The following DHX16 variants were observed in gnomAD, a reference collection of about 807,000 sequenced individuals.
DHX16 encodes DEAH-box helicase 16, also known as pre-mRNA-splicing factor ATP-dependent RNA helicase DHX16.
In DHX16, 81 loss-of-function variants were observed where a neutral mutation model predicts 131.2. That is an observed-to-expected ratio of 0.62 (90% CI 0.52 to 0.74). The LOEUF is 0.74. Ranked by LOEUF, DHX16 falls within the 30% of genes least tolerant of loss-of-function variation. DHX16 has a pLI of 0.00. For missense variants in DHX16, 980 were observed against 1,363.1 expected (o/e 0.72, Z 4.43); for synonymous variants, 440 against 520.2 (o/e 0.85, Z 2.10).
Position 30,656,204 on chromosome 6 carries a change from G to C in DHX16, c.2492C>G (p.Ser831Cys), listed in dbSNP as rs61757583. 3.1e-6 allele frequency: 5 copies of C among 1,613,046 alleles called. No individual in the cohort carries two copies. Among genetic ancestry groups the C allele is most frequent in the Non-Finnish European group, 4.2e-6 (5 of 1,180,012 alleles). ...DPMLSKMILA[S>C]EKYSCSEEIL... ...GGTGGAGGCGAGGGCTTACTTCTCAGAGGCTAAGATCATTTTGGACAGCAT... is the reference window on the plus strand; with the variant it reads ...GGTGGAGGCGAGGGCTTACTTCTCACAGGCTAAGATCATTTTGGACAGCAT... The change falls in exon 16 of 20, where the codon TCT becomes TGT. Residue 831 changes from serine (S) to cysteine (C), a missense_variant. Around this residue, in one of 3 missense-constraint regions of DHX16, gnomAD observed 214 missense variants for 271.2 expected, o/e 0.79. Transcript: ENST00000376442. This position sits in a 1 kb window ranked among gnomAD's most constrained non-coding sequence, Gnocchi z 5.1.
intron 9 of DHX16, among the ~76,000 whole-genome samples, chr6:30,660,781 C>T (rs1297728128): frequency 6.6e-6 from 1 of 150,912 alleles, no homozygotes; most frequent in Non-Finnish European, 1.5e-5. Flanking sequence ...ACTTGGGAGG[C>T]TGAGGCAGGA....
At chr6:30,654,255 G>A (rs1767741817) in intron 19 of DHX16, among the ~76,000 whole-genome samples, 1 of 151,940 alleles carries the variant, frequency 6.6e-6, no homozygotes, top group African/African-American at 2.4e-5. Flanking sequence ...CTTGGAAGAT[G>A]CTGACACACC....
intron 12 of DHX16, 37 bp downstream of exon 12, chr6:30,659,435 A>G (rs1768270495): frequency 6.4e-7 from 1 of 1,557,706 alleles, no homozygotes; most frequent in Non-Finnish European, 8.7e-7. Flanking sequence ...AGTTGTGGGA[A>G]GCATAGGGGT....
At chr6:30,664,151 T>C (rs1273963928) in intron 7 of DHX16, among the ~76,000 whole-genome samples, 1 of 151,474 alleles carries the variant, frequency 6.6e-6, no homozygotes, top group Non-Finnish European at 1.5e-5. Flanking sequence ...TGGTGCCACA[T>C]CACTCCAGCT....
In DHX16 at chr6:30,662,653, G is replaced by A. The variant is rs556158743; in HGVS notation, c.1518C>T (p.Leu506=). The A allele has an allele frequency of 3.7e-6, 6 of 1,613,122 alleles. No individual in the cohort carries two copies. The East Asian group carries it at 1.1e-4, about 30-fold the overall frequency. The part of the protein sequence containing the change: ...MTDGMLLREF[L]SEPDLASYSV... Reference sequence around the variant, plus strand: ...TGTAACTCGCCAGGTCAGGCTCAGAGAGGAACTCCCGGAGAAGCATCCCAT... The same window carrying A: ...TGTAACTCGCCAGGTCAGGCTCAGAAAGGAACTCCCGGAGAAGCATCCCAT... The change falls in exon 9 of 20, where the codon CTC becomes CTT. Residue 506 remains leucine (L), a synonymous_variant. Coordinates refer to ENST00000376442, the MANE Select transcript of DHX16 (RefSeq NM_003587.5). This position sits in a 1 kb window ranked among gnomAD's most constrained non-coding sequence, Gnocchi z 4.7.
intron 4 of DHX16, among the ~76,000 whole-genome samples, chr6:30,668,763 G>C (rs917898064): frequency 6.6e-6 from 1 of 152,146 alleles, no homozygotes; most frequent in African/African-American, 2.4e-5. Flanking sequence ...AGAGATATGA[G>C]ATAAATTGGT....
chr6:30,656,567 C>G lies in DHX16; in HGVS notation c.2311+30G>C. 4 of 1,614,048 alleles carry G rather than the reference C, an allele frequency of 2.5e-6. No individual in the cohort carries two copies. Among genetic ancestry groups the G allele is most frequent in the Non-Finnish European group, 3.4e-6 (4 of 1,179,970 alleles). On this transcript the variant is annotated intron_variant, in intron 14 of 19. Transcript: ENST00000376442. This position sits in a 1 kb window ranked among gnomAD's most constrained non-coding sequence, Gnocchi z 5.1. ...CCTTCAAAGGACAGTGACTCCAGCCCCTCCCTCCTCTCTCAGGTAGCCCAA... is the reference window on the plus strand; with the variant it reads ...CCTTCAAAGGACAGTGACTCCAGCCGCTCCCTCCTCTCTCAGGTAGCCCAA...
chr6:30,671,097 T>A lies in DHX16; in HGVS notation c.385A>T (p.Arg129Trp), dbSNP rs756259799. ...TCCTCTTCTTCCTCACGCTTCTTCC[T>A]GAGGTGTTTCCGCTTTTTACGTTTC... The part of the protein sequence containing the change: ...QKKRKKRKHL[R>W]KKREEEEEEE... Residue 129 changes from arginine (R) to tryptophan (W), a missense_variant, in exon 2 of 20, where the codon AGG (arginine) becomes TGG (tryptophan). Physicochemically the swap from Arg to Trp is moderately radical, Grantham distance 101. Coordinates refer to ENST00000376442, the MANE Select transcript of DHX16 (RefSeq NM_003587.5). The A allele has an allele frequency of 2.0e-5, 33 of 1,613,030 alleles. No homozygotes were observed. Among genetic ancestry groups the A allele is most frequent in the Non-Finnish European group, 2.7e-5 (32 of 1,180,052 alleles).
At chr6:30,653,947 C>T (rs1473383132) in intron 19 of DHX16, among the ~76,000 whole-genome samples, 16 of 150,688 alleles carry the variant, frequency 1.1e-4, no homozygotes, top group African/African-American at 3.7e-4. Flanking sequence ...TGGTGAAACC[C>T]AGTCTCTACT....
At chr6:30,658,321 T>A (rs1768162507) in intron 12 of DHX16, among the ~76,000 whole-genome samples, 1 of 152,128 alleles carries the variant, frequency 6.6e-6, no homozygotes, top group South Asian at 2.1e-4. Flanking sequence ...GGTGGGCAGA[T>A]CACCTGAGGT....
chr6:30,662,851 G>A lies in DHX16; in HGVS notation c.1428+60C>T. On this transcript the variant is annotated intron_variant, in intron 8 of 19. Coordinates refer to ENST00000376442, the MANE Select transcript of DHX16 (RefSeq NM_003587.5). The surrounding 1 kb of genome is among the most constrained non-coding windows in gnomAD (Gnocchi z 4.7). The stretch of plus-strand genomic sequence containing the variant: ...AAGACTTCTGCTGTAGGGACCTGAG[G>A]GAACTGTAGACTGAGTCACAGACCC... The A allele has an allele frequency of 6.4e-7, 1 of 1,570,528 alleles. No individual in the cohort carries two copies. The highest frequency in any genetic ancestry group is 8.7e-7 in the Non-Finnish European group (1 of 1,142,976).
intron 9 of DHX16, chr6:30,661,820 T>A (rs199563141): frequency 8.4e-6 from 6 of 717,766 alleles, no homozygotes; most frequent in Non-Finnish European, 1.6e-5. Flanking sequence ...GGCAAAAACA[T>A]CTGCATCAGA....
At chr6:30,671,699 G>A (rs1769572483) in intron 1 of DHX16, among the ~76,000 whole-genome samples, 1 of 151,716 alleles carries the variant, frequency 6.6e-6, no homozygotes, top group Non-Finnish European at 1.5e-5. Flanking sequence ...TCTTCCTCAT[G>A]GCTTCACCCC....
chr6:30,656,817 G>A lies in DHX16; in HGVS notation c.2149-58C>T. 6.2e-7 allele frequency: 1 copy of A among 1,605,412 alleles called. No homozygotes were observed. The highest frequency in any genetic ancestry group is 1.1e-5 in the South Asian group (1 of 90,836). On this transcript the variant is annotated intron_variant, in intron 13 of 19. Transcript: ENST00000376442. This position sits in a 1 kb window ranked among gnomAD's most constrained non-coding sequence, Gnocchi z 5.1. ...TTTGGTCAGGGAAAAGAAAAAGGCA[G>A]TATTTATGCAAGAAATCTGGAAGGA...
chr6:30,657,924 T>C (rs916207762), intron 12 of DHX16, among the ~76,000 whole-genome samples: 1 of 152,200 alleles, frequency 6.6e-6, no homozygotes, highest in Non-Finnish European at 1.5e-5. Flanking sequence ...ATTGACAATA[T>C]GTATTTATGC....
chr6:30,658,180 G>A (rs1405606894), intron 12 of DHX16, among the ~76,000 whole-genome samples: 2 of 152,122 alleles, frequency 1.3e-5, no homozygotes, highest in African/African-American at 2.4e-5. Flanking sequence ...CAAGGCAGGC[G>A]GATCACTTGA....
rs1156645228 is a variant in DHX16, at chr6:30,672,759, T to C, written c.83A>G (p.Gln28Arg). 2 of 1,613,010 alleles carry C rather than the reference T, an allele frequency of 1.2e-6. No homozygotes were observed. Among genetic ancestry groups the C allele is most frequent in the Admixed American group, 1.7e-5 (1 of 60,014 alleles). ...VLGLSERHVA[Q>R]FLIGTAQRCT... ...GCGCTGTGCGGTACCGATCAGAAAC[T>C]GGGCGACGTGCCGCTCGCTCAGCCC... is the stretch of plus-strand genomic sequence containing the variant. Residue 28 changes from glutamine to arginine, a missense_variant, in exon 1 of 20, where the codon CAG becomes CGG. Coordinates refer to ENST00000376442, the MANE Select transcript of DHX16 (RefSeq NM_003587.5).
Position 30,659,515 on chromosome 6 carries a change from A to G in DHX16, c.1964T>C (p.Met655Thr), listed in dbSNP as rs757392927. 1.2e-6 allele frequency: 2 copies of G among 1,607,640 alleles called. No individual in the cohort carries two copies. Among genetic ancestry groups the G allele is most frequent in the East Asian group, 4.5e-5 (2 of 44,752 alleles). Residue 655 changes from methionine to threonine, a missense_variant, in exon 12 of 20, where the codon ATG (methionine) becomes ACG (threonine). Around this residue, in one of 3 missense-constraint regions of DHX16, gnomAD observed 309 missense variants for 537.1 expected, o/e 0.58. Transcript: ENST00000376442. ...TGTGGGCTGGAAGATACGGGCCTGC[A>G]TGTCAGAGGGCAGATTGGCATAAAT... ...LPIYANLPSD[M>T]QARIFQPTPP...
Position 30,664,256 on chromosome 6 carries a change from G to A in DHX16, c.1317+545C>T, listed in dbSNP as rs547649404. Among the ~76,000 whole-genome samples, 286 of 151,950 alleles carry A rather than the reference G, an allele frequency of 1.9e-3. 1 individual carries two copies. The highest frequency in any genetic ancestry group is 6.7e-3 in the African/African-American group (276 of 41,446). ...CCCAGCACTTTGGGAGGCTGAGGTGGCTGGATCACTTGAGGTCAGGAGTTC... is the reference window on the plus strand; with the variant it reads ...CCCAGCACTTTGGGAGGCTGAGGTGACTGGATCACTTGAGGTCAGGAGTTC... On this transcript the variant is annotated intron_variant, in intron 7 of 19. Transcript: ENST00000376442.
Sources: allele counts gnomAD v4.1 joint callset (sites outside exome capture counted in the v4.1 genomes callset), GRCh38; gene constraint gnomAD v4.1.1; regional missense constraint gnomAD v4.1.1; non-coding constraint Gnocchi (gnomAD v3.1); transcripts MANE v1.5; gene names NCBI Gene and HGNC (gene_info 2026-07-23, HGNC 2026-07-21).